The following TM9SF4 variants were observed in gnomAD, a reference collection of about 807,000 sequenced individuals.
The protein encoded by TM9SF4 is transmembrane 9 superfamily member 4, also known as dinucleotide oxidase disulfide thiol exchanger 3 superfamily member 4.
Under a neutral mutation model 90.4 loss-of-function variants are expected in TM9SF4, and 26 were observed. The observed-to-expected ratio is 0.29, with a 90% confidence interval of 0.21 to 0.40. The LOEUF (loss-of-function observed/expected upper bound fraction) is 0.40. TM9SF4 is among the 10% of genes least tolerant of loss of function. TM9SF4 has a pLI of 1.00. For missense variants in TM9SF4, 549 were observed against 834.8 expected (o/e 0.66, Z 4.22); for synonymous variants, 293 against 315.4 (o/e 0.93, Z 0.75).
Position 32,160,033 on chromosome 20 carries a change from G to T in TM9SF4, c.1611G>T (p.Leu537=), listed in dbSNP as rs1242610537. The part of the protein sequence containing the change: ...ENQFYYLFGF[L]FLVFIILVVS... ...AGTTCTATTACCTCTTTGGCTTCCT[G>T]TTCCTTGTTTTCATCATCCTGGTGG... Residue 537 remains leucine (L), a synonymous_variant, in exon 16 of 18, where the codon CTG becomes CTT. Coordinates refer to ENST00000398022, the MANE Select transcript of TM9SF4 (RefSeq NM_014742.4). 2 of 1,614,202 alleles carry T rather than the reference G, an allele frequency of 1.2e-6. No homozygotes were observed. Among genetic ancestry groups the T allele is most frequent in the Non-Finnish European group, 8.5e-7 (1 of 1,180,018 alleles).
At chr20:32,110,777 C>T (rs909086727) in intron 1 of TM9SF4, among the ~76,000 whole-genome samples, 1 of 152,184 alleles carries the variant, frequency 6.6e-6, no homozygotes, top group Non-Finnish European at 1.5e-5. Context: ...AGCTTGCGGG[C>T]TCCTGGTGCA....
In TM9SF4 at chr20:32,115,806, G is replaced by GTTTTTTTTTTTTTTTTTTTTTT. The variant is rs1243268586; in HGVS notation, c.15+6051_15+6052insTTTTTTTTTTTTTTTTTTTTTT. On this transcript the variant is annotated intron_variant, in intron 1 of 17. Coordinates refer to ENST00000398022, the MANE Select transcript of TM9SF4 (RefSeq NM_014742.4). ...GTAATAACAAAACCTACCACTTTAA[G>GTTTTTTTTTTTTTTTTTTTTTT]CTTTTTTTTTTTTTTTTTTTTTTTT... Among the ~76,000 whole-genome samples, 6 of 106,306 alleles carry GTTTTTTTTTTTTTTTTTTTTTT rather than the reference G, an allele frequency of 5.6e-5. 1 individual carries two copies. The highest frequency in any genetic ancestry group is 9.2e-5 in the Non-Finnish European group (5 of 54,314). 69.7% of individuals were successfully genotyped at this position (106,306 alleles called of 152,430 possible).
At chr20:32,146,912 G>A (rs1045752872) in intron 9 of TM9SF4, 57 bp downstream of exon 9, 5 of 1,494,750 alleles carry the variant, frequency 3.3e-6, no homozygotes, top group Admixed American at 1.8e-5. Flanking sequence ...GGAGGACCGT[G>A]TGTGTGCATA....
At chr20:32,163,160 C>T (rs1266455028) in intron 17 of TM9SF4, among the ~76,000 whole-genome samples, 2 of 148,000 alleles carry the variant, frequency 1.4e-5, no homozygotes, top group Non-Finnish European at 3.0e-5. Flanking sequence ...GCAAGGGAAT[C>T]GCTTGAACCC....
At chr20:32,122,812 A>G (rs78289122) in intron 1 of TM9SF4, among the ~76,000 whole-genome samples, 5,240 of 152,052 alleles carry the variant, frequency 0.034, 354 homozygotes, top group African/African-American at 0.12. Flanking sequence ...GGAGGCCAAG[A>G]CAGGCGGCTG....
chr20:32,145,009 G>C, intron 6 of TM9SF4, 82 bp from the exon 7 acceptor site: 2 of 1,354,522 alleles, frequency 1.5e-6, no homozygotes, highest in Non-Finnish European at 1.1e-6. Flanking sequence ...GCGACAGGCA[G>C]CCTTGAGGGC....
chr20:32,123,866 A>ATATATATATAT lies in TM9SF4; in HGVS notation c.16-9146_16-9145insATATATATATT. ...CTCTCATATATATATATATATATAT[A>ATATATATATAT]TTTTTTTTTTTAAAGAGATAGGGTC... On this transcript the variant is annotated intron_variant, in intron 1 of 17. Coordinates refer to ENST00000398022, the MANE Select transcript of TM9SF4 (RefSeq NM_014742.4). 1.7e-3 allele frequency among the ~76,000 whole-genome samples: 161 copies of ATATATATATAT among 93,970 alleles called. 5 individuals are homozygous for ATATATATATAT. The East Asian group carries it at 0.08, about 47-fold the overall frequency. 61.6% of individuals were successfully genotyped at this position (93,970 alleles called of 152,430 possible). A position where few individuals can be genotyped will look rare whatever the true frequency, so the allele number is the denominator to read the frequency against.
In TM9SF4 at chr20:32,117,529, A is replaced by G. The variant is rs564088225; in HGVS notation, c.15+7774A>G. Among the ~76,000 whole-genome samples, 12 of 152,318 alleles carry G rather than the reference A, an allele frequency of 7.9e-5. No homozygotes were observed. The South Asian group carries it at 2.5e-3, about 32-fold the overall frequency. On this transcript the variant is annotated intron_variant, in intron 1 of 17. Coordinates refer to ENST00000398022, the MANE Select transcript of TM9SF4 (RefSeq NM_014742.4). ...AAGATGTTAATTGTTCACACCTTTC[A>G]AACTGGGTGGGGTGAATTTGGAGTG...
In TM9SF4 at chr20:32,145,215, A is replaced by G; in HGVS notation, c.771+6A>G. On this transcript the variant is annotated splice_donor_region_variant and intron_variant, in intron 7 of 17. Coordinates refer to ENST00000398022, the MANE Select transcript of TM9SF4 (RefSeq NM_014742.4). ...CCTACTCTGTCCACTGGGAGGTGAG[A>G]AGGGGCTGGAGCTCATGGGCAGGGG... 6.2e-7 allele frequency: 1 copy of G among 1,613,922 alleles called. No individual in the cohort carries two copies. Among genetic ancestry groups the G allele is most frequent in the Non-Finnish European group, 8.5e-7 (1 of 1,179,796 alleles).
Position 32,159,830 on chromosome 20 carries a change from A to G in TM9SF4, c.1570-162A>G, listed in dbSNP as rs1436382793. 9 of 964,998 alleles carry G rather than the reference A, an allele frequency of 9.3e-6. No homozygotes were observed. The East Asian group carries it at 2.0e-4, about 21-fold the overall frequency. 59.8% of individuals were successfully genotyped at this position (964,998 alleles called of 1,614,324 possible). A position where few individuals can be genotyped will look rare whatever the true frequency, so the allele number is the denominator to read the frequency against. On this transcript the variant is annotated intron_variant, in intron 15 of 17. Coordinates refer to ENST00000398022, the MANE Select transcript of TM9SF4 (RefSeq NM_014742.4). ...CCCCTCCCTAAGGACAGTGTGGCTC[A>G]CCCCCTGCTCTGGGGAAGAGGGGCC...
At chr20:32,117,346 G>A (rs971011052) in intron 1 of TM9SF4, among the ~76,000 whole-genome samples, 1 of 152,086 alleles carries the variant, frequency 6.6e-6, no homozygotes, top group East Asian at 1.9e-4. Flanking sequence ...CAAAAAGGCC[G>A]TTCAGATTGG....
intron 9 of TM9SF4, 121 bp from the exon 10 acceptor site, chr20:32,149,513 A>T: frequency 1.5e-6 from 2 of 1,295,852 alleles, no homozygotes; most frequent in Non-Finnish European, 1.1e-6. Flanking sequence ...TATCACTTAC[A>T]CTCCTGTGTC....
chr20:32,140,034 T>G (rs1261264877), intron 3 of TM9SF4, among the ~76,000 whole-genome samples: 1 of 152,250 alleles, frequency 6.6e-6, no homozygotes, highest in Non-Finnish European at 1.5e-5. Flanking sequence ...TGAGTACATC[T>G]ATTCAACTTT....
At chr20:32,159,584 G>A (rs763623581) in intron 15 of TM9SF4, 22 of 167,978 alleles carry the variant, frequency 1.3e-4, no homozygotes, top group Non-Finnish European at 2.3e-4. Flanking sequence ...AGTCACCAGC[G>A]TCTCTGATCC....
At chr20:32,143,207 C>T (rs781092363) in intron 6 of TM9SF4, 102 bp downstream of exon 6, 22 of 1,435,590 alleles carry the variant, frequency 1.5e-5, no homozygotes, top group East Asian at 2.5e-5. Context: ...CCGATGGGCT[C>T]GGGTGTGGCG....
At chr20:32,116,447 G>A (rs2046224258) in intron 1 of TM9SF4, 1 of 152,350 alleles carries the variant, frequency 6.6e-6, no homozygotes, top group South Asian at 2.1e-4. Context: ...GGTGGTGTCA[G>A]GGTTGAAGTC....
chr20:32,129,306 A>G (rs1244943919), intron 1 of TM9SF4, among the ~76,000 whole-genome samples: 1 of 152,056 alleles, frequency 6.6e-6, no homozygotes, highest in Admixed American at 6.6e-5. Flanking sequence ...CAGCCTGGGT[A>G]ATATAGGGAG....
chr20:32,112,525 G>A (rs2122296801), intron 1 of TM9SF4, among the ~76,000 whole-genome samples: 1 of 151,902 alleles, frequency 6.6e-6, no homozygotes, highest in Non-Finnish European at 1.5e-5. Context: ...GCGAAACCCT[G>A]TCTTCTAAAA....
intron 1 of TM9SF4, among the ~76,000 whole-genome samples, chr20:32,113,016 CCACACCCTCATA>C (rs2046168667): frequency 6.6e-6 from 1 of 152,108 alleles, no homozygotes; most frequent in Admixed American, 6.5e-5. Context: ...AGAATAGTCC[CCACACCCTCATA>C]CACACCCTCA....
Sources: allele counts gnomAD v4.1 joint callset (sites outside exome capture counted in the v4.1 genomes callset), GRCh38; gene constraint gnomAD v4.1.1; transcripts MANE v1.5; gene names NCBI Gene and HGNC (gene_info 2026-07-23, HGNC 2026-07-21).